Variants in INPP5B observed in about 807,000 individuals in gnomAD.
The protein encoded by INPP5B is inositol polyphosphate-5-phosphatase B, also known as type II inositol 1,4,5-trisphosphate 5-phosphatase.
In INPP5B, 90 loss-of-function variants were observed where a neutral mutation model predicts 118.5. The ratio of observed to expected loss-of-function variants is 0.76; its 90% CI spans 0.64 to 0.90. The LOEUF (loss-of-function observed/expected upper bound fraction) is 0.90. Among genes scored for constraint, INPP5B ranks in the 40% least tolerant of loss-of-function variants. The pLI is 0.00. For missense variants in INPP5B, 984 were observed against 1,125.6 expected (o/e 0.87, Z 1.80); for synonymous variants, 385 against 418.9 (o/e 0.92, Z 0.99).
At position 37,875,363 on chromosome 1, in the gene INPP5B, G is replaced by T. The variant is rs550313044; in HGVS notation, c.1788+243C>A. Among the ~76,000 whole-genome samples, 11 of 152,242 alleles carry T rather than the reference G, an allele frequency of 7.2e-5. No individual in the cohort carries two copies. The South Asian group carries it at 2.3e-3, about 32-fold the overall frequency. Reference sequence around the variant, plus strand: ...GGCTCACTGCAAGCTCCACCTCCCAGGTTCACGTCATTCTCCTGTCTCAGC... The same window carrying T: ...GGCTCACTGCAAGCTCCACCTCCCATGTTCACGTCATTCTCCTGTCTCAGC... On this transcript the variant is annotated intron_variant, in intron 17 of 23. Transcript: ENST00000373024.
At chr1:37,895,665 G>A (rs1021569224) in intron 7 of INPP5B, among the ~76,000 whole-genome samples, 2 of 152,040 alleles carry the variant, frequency 1.3e-5, no homozygotes, top group South Asian at 2.1e-4. Flanking sequence ...GGCGCGCGCC[G>A]CCACGCCTGA....
At chr1:37,882,065 C>T (rs904050607) in intron 14 of INPP5B, among the ~76,000 whole-genome samples, 2 of 150,878 alleles carry the variant, frequency 1.3e-5, no homozygotes, top group African/African-American at 4.9e-5. Context: ...CAACACTGCA[C>T]TCCAGCCTGG....
At position 37,888,344 on chromosome 1, in the gene INPP5B, C is replaced by T. The variant is rs1643656225; in HGVS notation, c.798G>A (p.Arg266=). ...TTACATTGTATGTTCCCGCAAAAAA[C>T]CTGTCACCAAAGAGAAATAATTAGT... ...EEDYTYIQNF[R]FFAGTYNVNG... Residue 266 remains arginine, a splice_region_variant and synonymous_variant, in exon 10 of 24, where the codon AGG becomes AGA. Transcript: ENST00000373024. The T allele has an allele frequency of 1.3e-6, 2 of 1,522,172 alleles. No homozygotes were observed. The highest frequency in any genetic ancestry group is 2.2e-5 in the Admixed American group (1 of 45,388). 94.3% of individuals were successfully genotyped at this position (1,522,172 alleles called of 1,614,324 possible).
intron 20 of INPP5B, among the ~76,000 whole-genome samples, chr1:37,867,402 C>G (rs934441580): frequency 1.3e-5 from 2 of 152,128 alleles, no homozygotes; most frequent in African/African-American, 4.8e-5. Context: ...TAGAATAGTA[C>G]AGCACTGAAG....
At position 37,868,675 on chromosome 1, in the gene INPP5B, G is replaced by A; in HGVS notation, c.2188-61C>T. The A allele has an allele frequency of 1.2e-5, 13 of 1,062,444 alleles. 2 individuals are homozygous for A. In the South Asian group the frequency reaches 1.5e-4, roughly 12 times the overall value. 65.8% of individuals were successfully genotyped at this position (1,062,444 alleles called of 1,614,324 possible). ...CAGGCTGGCTCCAGGAAAATGCATGGCATGGGGACAGCAAACCCACAGAAA... is the reference window on the plus strand; with the variant it reads ...CAGGCTGGCTCCAGGAAAATGCATGACATGGGGACAGCAAACCCACAGAAA... On this transcript the variant is annotated intron_variant, in intron 19 of 23. Coordinates refer to ENST00000373024, the MANE Select transcript of INPP5B (RefSeq NM_005540.3).
intron 7 of INPP5B, among the ~76,000 whole-genome samples, chr1:37,894,529 T>C (rs1643946704): frequency 6.6e-6 from 1 of 151,854 alleles, no homozygotes; most frequent in South Asian, 2.1e-4. Flanking sequence ...GCAATGAACC[T>C]GAATCCCCAT....
chr1:37,927,955 T>C (rs1419210939), intron 7 of INPP5B, among the ~76,000 whole-genome samples: 1 of 152,198 alleles, frequency 6.6e-6, no homozygotes, highest in Non-Finnish European at 1.5e-5. Context: ...CCTATCTCTA[T>C]TAATGCAAAG....
intron 7 of INPP5B, among the ~76,000 whole-genome samples, chr1:37,912,619 G>A (rs547845927): frequency 5.9e-5 from 9 of 152,160 alleles, no homozygotes; most frequent in Non-Finnish European, 7.4e-5. Flanking sequence ...GCTGGTTTAC[G>A]CTTTTCCTCC....
intron 7 of INPP5B, among the ~76,000 whole-genome samples, chr1:37,918,140 G>A (rs950848248): frequency 1.3e-5 from 2 of 152,066 alleles, no homozygotes; most frequent in Non-Finnish European, 2.9e-5. Flanking sequence ...CAGTCTCACA[G>A]CTGCCTTCCT....
rs1305933003 is a variant in INPP5B, at chr1:37,886,963, A to G, written c.1056T>C (p.Tyr352=). The change falls in exon 12 of 24, where the codon TAT becomes TAC. Residue 352 remains tyrosine, a synonymous_variant. Transcript: ENST00000373024. ...IRLVGIMLLL[Y]VKQEHAAYIS... ...TATAAGCTGCATGCTCCTGTTTGACATATAACAGCAGCATAATCCCAACCA... is the reference window on the plus strand; with the variant it reads ...TATAAGCTGCATGCTCCTGTTTGACGTATAACAGCAGCATAATCCCAACCA... 3 of 1,614,212 alleles carry G rather than the reference A, an allele frequency of 1.9e-6. No homozygotes were observed. Among genetic ancestry groups the G allele is most frequent in the Admixed American group, 3.3e-5 (2 of 60,032 alleles).
rs1478103354 is a variant in INPP5B at position 37,907,763 on chromosome 1, T to C, written c.533-16309A>G. On this transcript the variant is annotated intron_variant, in intron 7 of 23. Transcript: ENST00000373024. The surrounding 1 kb of genome is among the most constrained non-coding windows in gnomAD (Gnocchi z 4.3). ...CCTTGACAATTTACAAATGCCACGG[T>C]AATGTCAGGAAGTTACCCTATATGG... Among the ~76,000 whole-genome samples the C allele has an allele frequency of 1.3e-5, 2 of 152,156 alleles. No homozygotes were observed. Among genetic ancestry groups the C allele is most frequent in the African/African-American group, 4.8e-5 (2 of 41,430 alleles).
intron 7 of INPP5B, among the ~76,000 whole-genome samples, chr1:37,914,067 T>G (rs1644790053): frequency 6.6e-6 from 1 of 152,186 alleles, no homozygotes. Flanking sequence ...TGCCACCCTT[T>G]GCTGACTCCT....
rs756111839 is a variant in INPP5B, at chr1:37,880,145, C to T, written c.1481G>A (p.Gly494Asp). Residue 494 changes from glycine to aspartate, a missense_variant, in exon 15 of 24, where the codon GGT becomes GAT. Physicochemically the swap from Gly to Asp is moderately conservative, Grantham distance 94 (BLOSUM62 -1). Coordinates refer to ENST00000373024, the MANE Select transcript of INPP5B (RefSeq NM_005540.3). ...GTAAGTAGGCTGGAATGTGAGCTCA[C>T]CCTCTGTGAAGCCTTCAAAGACAGT... is the stretch of plus-strand genomic sequence containing the variant. ...AKTVFEGFTEGELTFQPTYKY... is the reference protein window; with the variant it reads ...AKTVFEGFTEDELTFQPTYKY... 6.2e-7 allele frequency: 1 copy of T among 1,612,252 alleles called. No individual in the cohort carries two copies. Among genetic ancestry groups the T allele is most frequent in the South Asian group, 1.1e-5 (1 of 90,938 alleles).
chr1:37,894,734 G>C (rs1643960245), intron 7 of INPP5B, among the ~76,000 whole-genome samples: 1 of 151,856 alleles, frequency 6.6e-6, no homozygotes, highest in African/African-American at 2.4e-5. Context: ...AGTAATTTTT[G>C]TATTTTTGGT....
intron 16 of INPP5B, among the ~76,000 whole-genome samples, chr1:37,876,711 A>AC (rs1177217580): frequency 6.7e-6 from 1 of 148,152 alleles, no homozygotes. Context: ...TACAAAAAAA[A>AC]AAAAAAAAAA....
chr1:37,884,620 G>A (rs1447764558), intron 13 of INPP5B, among the ~76,000 whole-genome samples: 1 of 152,026 alleles, frequency 6.6e-6, no homozygotes, highest in Non-Finnish European at 1.5e-5. Flanking sequence ...TACTATAGCA[G>A]CCAGGGATTC....
chr1:37,866,897 T>A (rs1642082444), intron 20 of INPP5B, among the ~76,000 whole-genome samples: 1 of 152,200 alleles, frequency 6.6e-6, no homozygotes, highest in Non-Finnish European at 1.5e-5. Context: ...CATAAGAGCA[T>A]AAGAGAACGC....
chr1:37,940,384 T>C (rs952417031), intron 6 of INPP5B, among the ~76,000 whole-genome samples: 4 of 152,190 alleles, frequency 2.6e-5, no homozygotes, highest in African/African-American at 9.7e-5. Context: ...CGCTTGAAGC[T>C]GCTTAGTCTG....
intron 7 of INPP5B, among the ~76,000 whole-genome samples, chr1:37,911,897 G>A (rs1433793598): frequency 5.3e-5 from 8 of 152,214 alleles, no homozygotes; most frequent in Non-Finnish European, 1.2e-4. Context: ...GAAGCAGCTA[G>A]CTTTCCAACT....
Sources: gnomAD v4.1 joint callset for allele counts (sites outside exome capture counted in the v4.1 genomes callset) on GRCh38, gnomAD v4.1.1 for gene constraint, Gnocchi (gnomAD v3.1) non-coding constraint, MANE v1.5 for transcripts, NCBI Gene and HGNC (gene_info 2026-07-23, HGNC 2026-07-21) for gene names.